Variants in SLC39A12 observed in about 807,000 individuals in gnomAD.
SLC39A12 encodes the protein zinc transporter ZIP12.
In SLC39A12, 63 loss-of-function variants were observed where a neutral mutation model predicts 71.1. The observed-to-expected ratio is 0.89, with a 90% confidence interval of 0.72 to 1.09. The LOEUF (loss-of-function observed/expected upper bound fraction) is 1.09, where lower values mean the gene tolerates loss of function less well. Among genes scored for constraint, SLC39A12 ranks in the 50% least tolerant of loss-of-function variants. The pLI, the probability that SLC39A12 is intolerant of heterozygous loss-of-function variation, is 0.00. For missense variants in SLC39A12, 892 were observed against 812.6 expected, an observed-to-expected ratio of 1.10 and a Z score of -1.19; for synonymous variants, 351 against 301.3, an observed-to-expected ratio of 1.16 and a Z score of -1.71.
chr10:18,020,346 A>G (rs1470796813), intron 12 of SLC39A12, among the ~76,000 whole-genome samples: 1 of 151,646 alleles, frequency 6.6e-6, no homozygotes, highest in Non-Finnish European at 1.5e-5. Context: ...TTTGTACCAT[A>G]TTTTCTTTAT....
chr10:17,967,134 G>GT (rs557026448), intron 4 of SLC39A12, among the ~76,000 whole-genome samples: 10 of 151,590 alleles, frequency 6.6e-5, no homozygotes, highest in South Asian at 2.1e-4. Context: ...TTTGTTGCAA[G>GT]TTTTTTTTTG....
At chr10:17,966,934 A>G (rs1284442125) in intron 4 of SLC39A12, among the ~76,000 whole-genome samples, 1 of 152,050 alleles carries the variant, frequency 6.6e-6, no homozygotes, top group Non-Finnish European at 1.5e-5. Flanking sequence ...AGATTGCGCC[A>G]CTGCACTCCA....
chr10:18,015,355 A>G (rs1836346393), intron 12 of SLC39A12, among the ~76,000 whole-genome samples: 3 of 152,194 alleles, frequency 2.0e-5, no homozygotes, highest in Non-Finnish European at 2.9e-5. Flanking sequence ...TGAATGCCTT[A>G]TTAACATTGT....
chr10:17,985,604 CT>C (rs1835378289), intron 6 of SLC39A12, among the ~76,000 whole-genome samples: 1 of 152,026 alleles, frequency 6.6e-6, no homozygotes, highest in South Asian at 2.1e-4. Context: ...TTTGCCATCA[CT>C]TGTTAGTAAT....
chr10:18,042,660 T>C lies in SLC39A12; in HGVS notation c.1948-45T>C, dbSNP rs1422608217. 5 of 1,562,912 alleles carry C rather than the reference T, an allele frequency of 3.2e-6. No individual in the cohort carries two copies. The South Asian group carries it at 3.6e-5, about 11-fold the overall frequency. ...TTTCCCACCAAGCTTTTCCCAGCAG[T>C]TGAATATATCTGGATCTTATTCTGG... is the stretch of plus-strand genomic sequence containing the variant. On this transcript the variant is annotated intron_variant, in intron 12 of 12. Transcript: ENST00000377369.
At chr10:18,014,293 GTTTAT>G (rs1291092942) in intron 12 of SLC39A12, among the ~76,000 whole-genome samples, 1 of 151,768 alleles carries the variant, frequency 6.6e-6, no homozygotes, top group Non-Finnish European at 1.5e-5. Context: ...AATTTTGTGT[GTTTAT>G]TTTGTCTTTC....
chr10:17,983,907 A>G (rs968900413), intron 6 of SLC39A12, among the ~76,000 whole-genome samples: 1 of 152,232 alleles, frequency 6.6e-6, no homozygotes, highest in African/African-American at 2.4e-5. Flanking sequence ...ATATGATATT[A>G]TATTGAAGGG....
chr10:17,959,537 G>T (rs1834632944), intron 2 of SLC39A12, among the ~76,000 whole-genome samples: 1 of 152,154 alleles, frequency 6.6e-6, no homozygotes. Context: ...AAGAAGACTA[G>T]ATTAAAAGAT....
chr10:18,020,759 G>A (rs1178095060), intron 12 of SLC39A12, among the ~76,000 whole-genome samples: 1 of 152,092 alleles, frequency 6.6e-6, no homozygotes, highest in East Asian at 1.9e-4. Flanking sequence ...TTGGCCATGT[G>A]TATGTCATCT....
At chr10:17,998,124 G>T (rs577094394) in intron 10 of SLC39A12, among the ~76,000 whole-genome samples, 1 of 152,028 alleles carries the variant, frequency 6.6e-6, no homozygotes, top group East Asian at 1.9e-4. Context: ...TCAACCTCCC[G>T]CTAAATAATG....
chr10:18,000,537 A>G, intron 10 of SLC39A12, 130 bp from the exon 11 acceptor site: 1 of 852,106 alleles, frequency 1.2e-6, no homozygotes, highest in Non-Finnish European at 1.9e-6. Flanking sequence ...GCGGAAACAA[A>G]GTGATGTTAT....
intron 12 of SLC39A12, among the ~76,000 whole-genome samples, chr10:18,037,138 T>C (rs1193364264): frequency 6.6e-6 from 1 of 152,120 alleles, no homozygotes; most frequent in Non-Finnish European, 1.5e-5. Context: ...GACCATTTGA[T>C]TTTCCTCTTC....
chr10:18,000,688 C>T lies in SLC39A12; in HGVS notation c.1622C>T (p.Ala541Val). Reference protein sequence around the residue: ...NRKCKAISLLAIMILVGDSLH... With the variant: ...NRKCKAISLLVIMILVGDSLH... Reference sequence around the variant, plus strand: ...TTAGGTAAAGCCATTAGCTTGTTAGCAATCATGATTCTGGTTGGGGACAGC... The same window carrying T: ...TTAGGTAAAGCCATTAGCTTGTTAGTAATCATGATTCTGGTTGGGGACAGC... The change falls in exon 11 of 13, where the codon GCA (alanine) becomes GTA (valine). Residue 541 changes from alanine to valine, a missense_variant. By Grantham distance (64) the Ala-to-Val change is moderately conservative. Transcript: ENST00000377369. The T allele has an allele frequency of 6.2e-7, 1 of 1,614,126 alleles. No homozygotes were observed. The highest frequency in any genetic ancestry group is 8.5e-7 in the Non-Finnish European group (1 of 1,180,008).
intron 7 of SLC39A12, 72 bp downstream of exon 7, chr10:17,987,723 A>G: frequency 1.3e-6 from 2 of 1,524,826 alleles, no homozygotes; most frequent in Non-Finnish European, 8.9e-7. Context: ...GGAGGTATTT[A>G]TGCAAAATTT....
chr10:18,036,364 T>A (rs1837018519), intron 12 of SLC39A12, among the ~76,000 whole-genome samples: 1 of 152,174 alleles, frequency 6.6e-6, no homozygotes, highest in Non-Finnish European at 1.5e-5. Context: ...GCCGTTTTTT[T>A]AAGCCGGTCT....
chr10:17,961,656 A>G lies in SLC39A12; in HGVS notation c.337A>G (p.Arg113Gly), dbSNP rs782210362. ...TCAGCTTAGAGAAGAAGTGGTCCAGAGAGTTTCTCTTCTCCTTCTCTATTA... is the reference window on the plus strand; with the variant it reads ...TCAGCTTAGAGAAGAAGTGGTCCAGGGAGTTTCTCTTCTCCTTCTCTATTA... ...EDQLREEVVQRVSLLLLYYII... is the reference protein window; with the variant it reads ...EDQLREEVVQGVSLLLLYYII... Residue 113 changes from arginine (R) to glycine (G), a missense_variant, in exon 3 of 13, where the codon AGA (arginine) becomes GGA (glycine). Physicochemically the swap from Arg to Gly is moderately radical, Grantham distance 125. Transcript: ENST00000377369. The G allele has an allele frequency of 1.9e-6, 3 of 1,614,000 alleles. No homozygotes were observed. Among genetic ancestry groups the G allele is most frequent in the South Asian group, 1.1e-5 (1 of 91,070 alleles).
intron 12 of SLC39A12, among the ~76,000 whole-genome samples, chr10:18,027,487 G>C (rs1270556319): frequency 1.3e-5 from 2 of 152,206 alleles, no homozygotes; most frequent in Admixed American, 1.3e-4. Flanking sequence ...GTGAGAACCC[G>C]TGGAGCTCCT....
At chr10:17,967,683 A>C (rs1252906622) in intron 4 of SLC39A12, among the ~76,000 whole-genome samples, 1 of 151,810 alleles carries the variant, frequency 6.6e-6, no homozygotes, top group Non-Finnish European at 1.5e-5. Flanking sequence ...GGAGATCAAG[A>C]CCATCCTGGC....
chr10:17,972,419 G>T (rs1399401309), intron 4 of SLC39A12, among the ~76,000 whole-genome samples: 7 of 152,112 alleles, frequency 4.6e-5, no homozygotes, highest in Non-Finnish European at 8.8e-5. Flanking sequence ...TCTCTCTAAT[G>T]CTGACAGTGG....
Sources: gnomAD v4.1 joint callset for allele counts (sites outside exome capture counted in the v4.1 genomes callset) on GRCh38, gnomAD v4.1.1 for gene constraint, MANE v1.5 for transcripts, NCBI Gene and HGNC (gene_info 2026-07-23, HGNC 2026-07-21) for gene names.